ZMYM4: variants seen among roughly 807,000 people sequenced by gnomAD.
The protein encoded by ZMYM4 is zinc finger MYM-type containing 4.
In ZMYM4, 31 loss-of-function variants were observed where a neutral mutation model predicts 183.2. The observed-to-expected ratio is 0.17, with a 90% CI of 0.13 to 0.23. The LOEUF (loss-of-function observed/expected upper bound fraction) is 0.23. Ranked by LOEUF, ZMYM4 falls within the 10% of genes least tolerant of loss-of-function variation. ZMYM4 has a pLI of 1.00. For missense variants in ZMYM4, 1,273 were observed against 1,840.3 expected (o/e 0.69, Z 5.64); for synonymous variants, 592 against 631.2 (o/e 0.94, Z 0.93).
intron 26 of ZMYM4, among the ~76,000 whole-genome samples, chr1:35,411,934 G>C (rs531193480): frequency 6.6e-6 from 1 of 152,136 alleles, no homozygotes; most frequent in Admixed American, 6.5e-5. Context: ...CCAGGCTGGA[G>C]TGCAGTGGCA....
At chr1:35,286,770 TAA>T (rs1640511862) in intron 1 of ZMYM4, among the ~76,000 whole-genome samples, 1 of 103,114 alleles carries the variant, frequency 9.7e-6, no homozygotes, top group Non-Finnish European at 2.0e-5. Flanking sequence ...GCTATTTAAA[TAA>T]TTTTTTTTTT....
chr1:35,335,752 GACCATCCTAGCTAAC>G (rs1306679398), intron 2 of ZMYM4, among the ~76,000 whole-genome samples: 4 of 152,044 alleles, frequency 2.6e-5, no homozygotes, highest in Non-Finnish European at 5.9e-5. Context: ...AGGAGCTCGA[GACCATCCTAGCTAAC>G]ACGGTGAAAC....
intron 1 of ZMYM4, among the ~76,000 whole-genome samples, chr1:35,281,066 C>T (rs190424423): frequency 4.6e-5 from 7 of 152,184 alleles, no homozygotes; most frequent in East Asian, 1.9e-4. Flanking sequence ...GGGCGGAACA[C>T]GAGGTCAGGA....
chr1:35,357,346 A>G (rs913138535), intron 2 of ZMYM4, among the ~76,000 whole-genome samples: 1 of 152,248 alleles, frequency 6.6e-6, no homozygotes, highest in Non-Finnish European at 1.5e-5. Flanking sequence ...TCAGGAACAA[A>G]TAAGAGCAAG....
intron 24 of ZMYM4, 29 bp from the exon 25 acceptor site, chr1:35,405,343 AC>A (rs750139357): frequency 5.7e-6 from 9 of 1,583,226 alleles, no homozygotes; most frequent in Non-Finnish European, 6.8e-6. Context: ...TTTTATTTAA[AC>A]TTTTCTTTTA....
At chr1:35,417,941 G>A (rs1235708259) in intron 28 of ZMYM4, among the ~76,000 whole-genome samples, 4 of 152,050 alleles carry the variant, frequency 2.6e-5, no homozygotes, top group Non-Finnish European at 5.9e-5. Context: ...AACCTGGGTG[G>A]AGGCTGCAGT....
At chr1:35,318,354 G>A (rs964593058) in intron 1 of ZMYM4, among the ~76,000 whole-genome samples, 12 of 151,942 alleles carry the variant, frequency 7.9e-5, no homozygotes, top group African/African-American at 2.7e-4. Context: ...CACTGTGCCC[G>A]GCTGACAGTT....
intron 1 of ZMYM4, among the ~76,000 whole-genome samples, chr1:35,279,316 C>T (rs1640027146): frequency 1.3e-5 from 2 of 152,168 alleles, no homozygotes; most frequent in Non-Finnish European, 2.9e-5. Context: ...GTATGATATT[C>T]TTTAAAACCT....
At chr1:35,343,329 TTGA>T in intron 2 of ZMYM4, among the ~76,000 whole-genome samples, 1 of 152,326 alleles carries the variant, frequency 6.6e-6, no homozygotes, top group South Asian at 2.1e-4. Flanking sequence ...TATGCTTAAG[TTGA>T]TGATCCATTT....
At position 35,269,017 on chromosome 1, in the gene ZMYM4, G is replaced by T. The variant is rs780727604; in HGVS notation, c.-30G>T. 1.3e-6 allele frequency: 2 copies of T among 1,526,934 alleles called. No homozygotes were observed. The highest frequency in any genetic ancestry group is 2.5e-5 in the South Asian group (2 of 81,392). 94.6% of individuals were successfully genotyped at this position (1,526,934 alleles called of 1,614,324 possible). ...AGAGGTACCGCCGCCACCGCGCGGG[G>T]AGCCGCAGCGGTTCCGAGCGGGGCC... On this transcript the variant is annotated 5_prime_UTR_variant, in exon 1 of 30. Transcript: ENST00000314607.
chr1:35,357,787 A>G (rs1406638128), intron 2 of ZMYM4, among the ~76,000 whole-genome samples: 6 of 152,210 alleles, frequency 3.9e-5, no homozygotes, highest in Non-Finnish European at 8.8e-5. Flanking sequence ...CCGAAATCTT[A>G]TAAGAAAGGT....
chr1:35,403,347 G>A (rs868242923), intron 23 of ZMYM4, among the ~76,000 whole-genome samples: 8 of 152,028 alleles, frequency 5.3e-5, no homozygotes, highest in African/African-American at 9.7e-5. Flanking sequence ...GTGCAATGGC[G>A]CGATCTCGGC....
intron 26 of ZMYM4, among the ~76,000 whole-genome samples, chr1:35,412,024 C>T (rs1296278067): frequency 3.3e-5 from 5 of 152,078 alleles, no homozygotes; most frequent in South Asian, 4.1e-4. Flanking sequence ...GCTGGGACTA[C>T]AGGCGCCCGC....
At chr1:35,375,278 T>C (rs1443639461) in intron 7 of ZMYM4, among the ~76,000 whole-genome samples, 1 of 152,236 alleles carries the variant, frequency 6.6e-6, no homozygotes, top group African/African-American at 2.4e-5. Context: ...TGTTCAACAC[T>C]ACCTTTCCTT....
At chr1:35,401,420 A>T (rs1199751819) in intron 23 of ZMYM4, among the ~76,000 whole-genome samples, 2 of 152,156 alleles carry the variant, frequency 1.3e-5, no homozygotes, top group African/African-American at 4.8e-5. Flanking sequence ...TTTGCCATTC[A>T]TGTGTCTTCT....
chr1:35,280,240 TTCTCTCTTTCTTTCTCTCTTTCTC>T (rs1312582917), intron 1 of ZMYM4, among the ~76,000 whole-genome samples: 1 of 145,800 alleles, frequency 6.9e-6, no homozygotes, highest in African/African-American at 2.5e-5. Context: ...TTCTCTTTCT[TTCTCTCTTTCTTTCTCTCTTTCTC>T]TCTCTCTCTC....
At chr1:35,329,841 A>G (rs1642660794) in intron 2 of ZMYM4, among the ~76,000 whole-genome samples, 2 of 152,092 alleles carry the variant, frequency 1.3e-5, no homozygotes, top group African/African-American at 4.8e-5. Flanking sequence ...AGCATGAGTC[A>G]CCACGCCCTA....
At chr1:35,403,882 T>C (rs1303467573) in intron 23 of ZMYM4, among the ~76,000 whole-genome samples, 1 of 152,328 alleles carries the variant, frequency 6.6e-6, no homozygotes, top group East Asian at 1.9e-4. Context: ...TTAGGTTATC[T>C]GTTTCTTCTA....
In ZMYM4 at chr1:35,419,563, G is replaced by A. The variant is rs577131303; in HGVS notation, c.4533G>A (p.Pro1511=). ...GCCCCATGTGGTACTCCACATTCCC[G>A]ATAGACCCTGGAACCCTGGACACCA... ...PNSPMWYSTF[P]IDPGTLDTML... is the part of the protein sequence containing the mutation. Residue 1511 remains proline (P), a synonymous_variant, in exon 30 of 30, where the codon CCG becomes CCA. Coordinates refer to ENST00000314607, the MANE Select transcript of ZMYM4 (RefSeq NM_005095.3). 1.4e-5 allele frequency: 22 copies of A among 1,613,798 alleles called. No homozygotes were observed. The highest frequency in any genetic ancestry group is 1.7e-5 in the Non-Finnish European group (20 of 1,179,990).
Sources: allele counts gnomAD v4.1 joint callset (sites outside exome capture counted in the v4.1 genomes callset), GRCh38; gene constraint gnomAD v4.1.1; transcripts MANE v1.5; gene names NCBI Gene and HGNC (gene_info 2026-07-23, HGNC 2026-07-21).